Variants in ANKS1B observed in about 807,000 individuals in gnomAD.
ANKS1B encodes the protein ankyrin repeat and sterile alpha motif domain containing 1B.
Under a neutral mutation model 148.3 loss-of-function variants are expected in ANKS1B, and 36 were observed. That is an observed-to-expected ratio of 0.24 (90% CI 0.19 to 0.32). The LOEUF is 0.32. Ranked by LOEUF, ANKS1B falls within the 10% of genes least tolerant of loss-of-function variation. The probability of loss-of-function intolerance (pLI) is 1.00; values close to 1 mark genes in which losing one functional copy is unlikely to be tolerated. For synonymous variants in ANKS1B, 542 were observed against 560.8 expected (o/e 0.97, Z 0.47); for missense variants, 1,157 against 1,542.6 (o/e 0.75, Z 4.19).
chr12:99,947,255 CAA>C (rs58317609), intron 1 of ANKS1B, among the ~76,000 whole-genome samples: 29,279 of 129,018 alleles, frequency 0.23, 3,181 homozygotes, highest in Non-Finnish European at 0.25. Context: ...TAAAGTAATA[CAA>C]AAAAAAAAAA....
intron 11 of ANKS1B, among the ~76,000 whole-genome samples, chr12:99,412,053 T>A (rs59922019): frequency 0.011 from 1,656 of 152,326 alleles, 24 homozygotes; most frequent in African/African-American, 0.038. Context: ...GATTATGCTA[T>A]TTTTAATTTT....
intron 1 of ANKS1B, among the ~76,000 whole-genome samples, chr12:99,959,078 CAG>C (rs1232191600): frequency 7.7e-6 from 1 of 129,506 alleles, no homozygotes; most frequent in African/African-American, 3.0e-5. Flanking sequence ...TTTTTTGAGA[CAG>C]AGTCTCACTC....
rs562392587 is a variant in ANKS1B at position 99,382,764 on chromosome 12, G to A, written c.1756+16867C>T. On this transcript the variant is annotated intron_variant, in intron 12 of 26. Transcript: ENST00000683438. Reference sequence around the variant, plus strand: ...GCACAAAAGCAAGCCATCCCTTTAAGTGTAATGTCATGACTGCTGGCCCCA... The same window carrying A: ...GCACAAAAGCAAGCCATCCCTTTAAATGTAATGTCATGACTGCTGGCCCCA... 2.7e-5 allele frequency among the ~76,000 whole-genome samples: 4 copies of A among 149,602 alleles called. 1 individual carries two copies. The highest frequency in any genetic ancestry group is 9.8e-5 in the African/African-American group (4 of 40,774).
chr12:99,186,196 C>A (rs2079825752), intron 14 of ANKS1B, among the ~76,000 whole-genome samples: 1 of 152,190 alleles, frequency 6.6e-6, no homozygotes, highest in African/African-American at 2.4e-5. Context: ...CTAGATTCCT[C>A]CTCTCTGGCA....
intron 3 of ANKS1B, among the ~76,000 whole-genome samples, 171 bp from the exon 4 acceptor site, chr12:99,806,871 T>C (rs2067685855): frequency 7.0e-6 from 1 of 143,046 alleles, no homozygotes; most frequent in Non-Finnish European, 1.6e-5. Context: ...TAGGATTCAT[T>C]GAATCAAAAA....
chr12:99,074,537 G>C (rs549367641), intron 16 of ANKS1B, among the ~76,000 whole-genome samples: 1 of 152,196 alleles, frequency 6.6e-6, no homozygotes, highest in African/African-American at 2.4e-5. Context: ...ATGGGGCTTT[G>C]TCATTTCAAA....
chr12:99,544,061 A>T (rs1223729427), intron 9 of ANKS1B, among the ~76,000 whole-genome samples: 1 of 152,200 alleles, frequency 6.6e-6, no homozygotes, highest in Non-Finnish European at 1.5e-5. Context: ...ACATATATAA[A>T]TACATAGACA....
intron 4 of ANKS1B, among the ~76,000 whole-genome samples, chr12:99,784,516 G>T (rs974509594): frequency 6.6e-6 from 1 of 151,990 alleles, no homozygotes; most frequent in Non-Finnish European, 1.5e-5. Context: ...CTTCCACAGG[G>T]GGTCTCCAAG....
At chr12:99,759,931 A>G (rs892718065) in intron 8 of ANKS1B, among the ~76,000 whole-genome samples, 12 of 142,272 alleles carry the variant, frequency 8.4e-5, no homozygotes, top group Admixed American at 2.9e-4. Flanking sequence ...CAAGTTAGAG[A>G]TTATAAAGAG....
intron 9 of ANKS1B, among the ~76,000 whole-genome samples, chr12:99,616,080 C>A (rs1034547046): frequency 6.6e-6 from 1 of 152,068 alleles, no homozygotes; most frequent in Non-Finnish European, 1.5e-5. Flanking sequence ...ATACAACTTA[C>A]AAGGGATGTG....
intron 8 of ANKS1B, among the ~76,000 whole-genome samples, chr12:99,663,274 G>A (rs1800668501): frequency 6.6e-6 from 1 of 152,030 alleles, no homozygotes; most frequent in Non-Finnish European, 1.5e-5. Flanking sequence ...TCCTGGGAGA[G>A]ATATCACATG....
At chr12:99,747,232 C>T (rs542137363) in intron 8 of ANKS1B, among the ~76,000 whole-genome samples, 1 of 152,182 alleles carries the variant, frequency 6.6e-6, no homozygotes, top group East Asian at 1.9e-4. Context: ...TTTGCAGTCA[C>T]CTCAAGGTTA....
chr12:99,608,778 T>G lies in ANKS1B; in HGVS notation c.1272+46289A>C, dbSNP rs377367317. On this transcript the variant is annotated intron_variant, in intron 9 of 26. Transcript: ENST00000683438. Reference sequence around the variant, plus strand: ...CTGTGTTTTTCAAGGGGTCTCAGAGTCTTTAGAGGTCTCCTTCCGGTCCCT... The same window carrying G: ...CTGTGTTTTTCAAGGGGTCTCAGAGGCTTTAGAGGTCTCCTTCCGGTCCCT... 1.4e-4 allele frequency among the ~76,000 whole-genome samples: 21 copies of G among 151,918 alleles called. 1 individual carries two copies. The South Asian group carries it at 2.5e-3, about 18-fold the overall frequency.
At chr12:99,583,853 G>A (rs2097595357) in intron 9 of ANKS1B, among the ~76,000 whole-genome samples, 1 of 152,130 alleles carries the variant, frequency 6.6e-6, no homozygotes, top group Non-Finnish European at 1.5e-5. Context: ...CAGGTACATA[G>A]ATTCGCATAT....
intron 17 of ANKS1B, among the ~76,000 whole-genome samples, chr12:98,884,846 T>C (rs2099735619): frequency 6.8e-6 from 1 of 147,780 alleles, no homozygotes. Context: ...ATTTGGGGAG[T>C]CTCTCAGATG....
At chr12:99,781,305 T>C (rs1000328182) in intron 5 of ANKS1B, among the ~76,000 whole-genome samples, 3 of 152,160 alleles carry the variant, frequency 2.0e-5, no homozygotes, top group African/African-American at 7.2e-5. Context: ...TGCCAATGTT[T>C]TTCATTTTTT....
At chr12:99,298,320 G>A (rs1347306383) in intron 12 of ANKS1B, among the ~76,000 whole-genome samples, 1 of 152,098 alleles carries the variant, frequency 6.6e-6, no homozygotes, top group Non-Finnish European at 1.5e-5. Flanking sequence ...GAATCATGGG[G>A]GTGGTTTCCC....
At chr12:99,300,625 C>T (rs1336760299) in intron 12 of ANKS1B, among the ~76,000 whole-genome samples, 1 of 152,184 alleles carries the variant, frequency 6.6e-6, no homozygotes, top group African/African-American at 2.4e-5. Context: ...TAAAAGGGCT[C>T]ATGCCCAACT....
chr12:98,825,379 C>T (rs1339178421), intron 19 of ANKS1B, among the ~76,000 whole-genome samples: 2 of 152,090 alleles, frequency 1.3e-5, no homozygotes, highest in Non-Finnish European at 2.9e-5. Context: ...AAGCTTGCAA[C>T]TGAATTAATT....
Sources: gnomAD v4.1 joint callset for allele counts (sites outside exome capture counted in the v4.1 genomes callset) on GRCh38, gnomAD v4.1.1 for gene constraint, MANE v1.5 for transcripts, NCBI Gene and HGNC (gene_info 2026-07-23, HGNC 2026-07-21) for gene names.